CHD8: variants seen among roughly 807,000 people sequenced by gnomAD.
CHD8 encodes the protein chromodomain helicase DNA binding protein 8.
Under a neutral mutation model 279.2 loss-of-function variants are expected in CHD8, and 31 were observed. The observed-to-expected ratio is 0.11, with a 90% confidence interval of 0.08 to 0.15. The LOEUF is 0.15. Ranked by LOEUF, CHD8 falls within the 10% of genes least tolerant of loss-of-function variation. CHD8 has a pLI of 1.00. For synonymous variants in CHD8, 1,081 were observed against 1,139.6 expected (o/e 0.95, Z 1.04); for missense variants, 2,146 against 3,230.5 (o/e 0.66, Z 8.14).
At chr14:21,419,224 T>C (rs1888899258) in intron 5 of CHD8, among the ~76,000 whole-genome samples, 1 of 152,160 alleles carries the variant, frequency 6.6e-6, no homozygotes, top group Admixed American at 6.5e-5. Context: ...AAAAAAAAAT[T>C]TAGGAAACAC....
chr14:21,435,962 A>C (rs1442993482), intron 1 of CHD8, among the ~76,000 whole-genome samples: 3 of 152,252 alleles, frequency 2.0e-5, no homozygotes, highest in African/African-American at 7.2e-5. Context: ...GATGAGAAAC[A>C]CTGCAAGAGA....
At chr14:21,451,799 T>C (rs976294451) in intron 1 of CHD8, among the ~76,000 whole-genome samples, 1 of 152,022 alleles carries the variant, frequency 6.6e-6, no homozygotes, top group African/African-American at 2.4e-5. Flanking sequence ...GGATGGAAAC[T>C]ATATAATTAA....
intron 37 of CHD8, chr14:21,386,440 C>T (rs982582533): frequency 4.6e-5 from 24 of 523,180 alleles, no homozygotes; most frequent in African/African-American, 4.2e-4. Flanking sequence ...CTTCTTTTCC[C>T]CATGACTATA....
At chr14:21,445,301 G>A (rs1007599259) in intron 1 of CHD8, among the ~76,000 whole-genome samples, 3 of 152,162 alleles carry the variant, frequency 2.0e-5, no homozygotes, top group African/African-American at 4.8e-5. Context: ...GCCAGGCGCC[G>A]TGGCTCACAC....
At chr14:21,433,095 C>A (rs933113934) in intron 1 of CHD8, among the ~76,000 whole-genome samples, 1 of 152,164 alleles carries the variant, frequency 6.6e-6, no homozygotes, top group African/African-American at 2.4e-5. Flanking sequence ...ATCTGTGGAT[C>A]CCCTAAGAAC....
At chr14:21,418,815 C>T (rs1041707320) in intron 5 of CHD8, among the ~76,000 whole-genome samples, 10 of 152,086 alleles carry the variant, frequency 6.6e-5, no homozygotes, top group East Asian at 3.9e-4. Context: ...AGGGAGACTC[C>T]GTCTCAAAAA....
chr14:21,404,997 A>C, intron 16 of CHD8: 1 of 541,388 alleles, frequency 1.8e-6, no homozygotes, highest in Non-Finnish European at 3.3e-6. Context: ...ACACCTGGCT[A>C]ATTTTTGTAT....
At chr14:21,420,430 G>A (rs916345715) in intron 5 of CHD8, among the ~76,000 whole-genome samples, 22 of 152,186 alleles carry the variant, frequency 1.4e-4, no homozygotes, top group African/African-American at 5.3e-4. Flanking sequence ...TAGAGTGGAA[G>A]TAAGGACAGT....
At chr14:21,422,524 C>G (rs17792664) in intron 5 of CHD8, among the ~76,000 whole-genome samples, 13,728 of 152,086 alleles carry the variant, frequency 0.09, 913 homozygotes, top group Non-Finnish European at 0.14. Context: ...TTTGCACAAC[C>G]CTCTAAGCCT....
chr14:21,387,406 G>A (rs1422329545), intron 37 of CHD8, among the ~76,000 whole-genome samples: 13 of 152,060 alleles, frequency 8.5e-5, no homozygotes. Context: ...CTGAGGGCAG[G>A]CGGATCACCT....
Position 21,406,998 on chromosome 14 carries a change from G to A in CHD8, c.2765C>T (p.Ala922Val), listed in dbSNP as rs1451112177. The A allele has an allele frequency of 6.3e-7, 1 of 1,598,528 alleles. No individual in the cohort carries two copies. Among genetic ancestry groups the A allele is most frequent in the Non-Finnish European group, 8.5e-7 (1 of 1,171,996 alleles). Reference protein sequence around the residue: ...RLIPGAYKFDALITTFEMILS... With the variant: ...RLIPGAYKFDVLITTFEMILS... Reference sequence around the variant, plus strand: ...AATCATCTCAAAAGTGGTGATCAGAGCGTCAAACTTGTATGCGCCTGGGAT... The same window carrying A: ...AATCATCTCAAAAGTGGTGATCAGAACGTCAAACTTGTATGCGCCTGGGAT... The change falls in exon 14 of 38, where the codon GCT (alanine) becomes GTT (valine). Residue 922 changes from alanine to valine, a missense_variant. Around this residue, in one of 26 missense-constraint regions of CHD8, gnomAD observed 211 missense variants for 464.7 expected, o/e 0.45. Coordinates refer to ENST00000646647, the MANE Select transcript of CHD8 (RefSeq NM_001170629.2).
intron 8 of CHD8, 191 bp downstream of exon 8, chr14:21,414,747 C>T: frequency 1.6e-6 from 1 of 634,274 alleles, no homozygotes; most frequent in Non-Finnish European, 2.8e-6. Flanking sequence ...ACCCCACTTA[C>T]CTACAAGGAA....
At chr14:21,439,110 C>T (rs1057021442) in intron 1 of CHD8, among the ~76,000 whole-genome samples, 2 of 151,866 alleles carry the variant, frequency 1.3e-5, no homozygotes, top group Non-Finnish European at 2.9e-5. Flanking sequence ...CTGGGCAACA[C>T]AGTGAAACAA....
intron 1 of CHD8, among the ~76,000 whole-genome samples, chr14:21,434,368 G>A (rs541296900): frequency 6.6e-5 from 10 of 152,204 alleles, no homozygotes; most frequent in East Asian, 1.9e-4. Context: ...AGAAGTTTAC[G>A]TTGCAAATAG....
chr14:21,441,715 CG>C (rs1566453874), intron 1 of CHD8, among the ~76,000 whole-genome samples: 4 of 151,664 alleles, frequency 2.6e-5, no homozygotes, highest in Non-Finnish European at 4.4e-5. Flanking sequence ...GGTGAAACCC[CG>C]TCTCTACTAA....
Position 21,428,232 on chromosome 14 carries a change from G to A in CHD8, c.1238C>T (p.Ser413Phe). Residue 413 changes from serine (S) to phenylalanine (F), a missense_variant, in exon 4 of 38, where the codon TCT becomes TTT. Ser to Phe is a radical substitution (Grantham distance 155). Transcript: ENST00000646647. ...AACTTTAACTACAGAGAGCCCAGAA[G>A]AGGCCCCTTGGGAAGAGCCAGCCTA... is the stretch of plus-strand genomic sequence containing the variant. ...QPQAGSSQGA[S>F]SGLSVVKVLS... The A allele has an allele frequency of 6.2e-7, 1 of 1,613,944 alleles. No individual in the cohort carries two copies. The highest frequency in any genetic ancestry group is 8.5e-7 in the Non-Finnish European group (1 of 1,179,852).
intron 1 of CHD8, among the ~76,000 whole-genome samples, chr14:21,445,595 A>G (rs1472236417): frequency 1.3e-5 from 2 of 149,052 alleles, no homozygotes; most frequent in African/African-American, 4.9e-5. Flanking sequence ...AGGCTGAGGC[A>G]GGAGAATTGC....
chr14:21,408,462 A>C lies in CHD8; in HGVS notation c.2580T>G (p.Gly860=). ...LQEVYNVGIH[G]PFLVIAPLST... ...ACAGTGGGGCAATGACCAAGAAGGG[A>C]CCATGGATGCCCACATTATATACTT... is the stretch of plus-strand genomic sequence containing the variant. The change falls in exon 13 of 38, where the codon GGT becomes GGG. Residue 860 remains glycine (G), a synonymous_variant. Transcript: ENST00000646647. The surrounding 1 kb of genome is among the most constrained non-coding windows in gnomAD (Gnocchi z 4.3). 1 of 1,613,996 alleles carries C rather than the reference A, an allele frequency of 6.2e-7. No homozygotes were observed. The highest frequency in any genetic ancestry group is 8.5e-7 in the Non-Finnish European group (1 of 1,179,888).
intron 1 of CHD8, among the ~76,000 whole-genome samples, chr14:21,435,210 T>C (rs1033467788): frequency 6.6e-6 from 1 of 152,186 alleles, no homozygotes; most frequent in Non-Finnish European, 1.5e-5. Context: ...GGAGGGCATG[T>C]AGGGGGTGAG....
Sources: allele counts gnomAD v4.1 joint callset (sites outside exome capture counted in the v4.1 genomes callset), GRCh38; gene constraint gnomAD v4.1.1; regional missense constraint gnomAD v4.1.1; non-coding constraint Gnocchi (gnomAD v3.1); transcripts MANE v1.5; gene names NCBI Gene and HGNC (gene_info 2026-07-23, HGNC 2026-07-21).